TEX261: variants seen among roughly 807,000 people sequenced by gnomAD.
TEX261 encodes testis expressed 261.
TEX261 carries 13 observed loss-of-function variants against 25.1 expected under a neutral mutation model. The ratio of observed to expected loss-of-function variants is 0.52; its 90% CI spans 0.34 to 0.82. The LOEUF (loss-of-function observed/expected upper bound fraction) is 0.82, where lower values mean the gene tolerates loss of function less well. Among genes scored for constraint, TEX261 ranks in the 40% least tolerant of loss-of-function variants. TEX261 has a pLI of 0.02. For synonymous variants in TEX261, 92 were observed against 97.8 expected (o/e 0.94, Z 0.35); for missense variants, 206 against 243.2 (o/e 0.85, Z 1.02).
In TEX261 at chr2:70,987,009, G is replaced by A. The variant is rs1337437948; in HGVS notation, c.*1591C>T. On this transcript the variant is annotated 3_prime_UTR_variant, in exon 6 of 6. Coordinates refer to ENST00000272438, the MANE Select transcript of TEX261 (RefSeq NM_144582.3). ...CCATGTCAAATGCTGCCCAGATCTA[G>A]TAAGACAGGAAAGGGGTCTGCTGGA... The A allele has an allele frequency of 6.6e-6, 1 of 152,302 alleles. No individual in the cohort carries two copies. The highest frequency in any genetic ancestry group is 2.4e-5 in the African/African-American group (1 of 41,446). 9.4% of individuals were successfully genotyped at this position (152,302 alleles called of 1,614,324 possible). A position where few individuals can be genotyped will look rare whatever the true frequency, so the allele number is the denominator to read the frequency against.
chr2:70,990,740 G>T (rs1348770595), intron 3 of TEX261, among the ~76,000 whole-genome samples: 1 of 152,162 alleles, frequency 6.6e-6, no homozygotes, highest in Non-Finnish European at 1.5e-5. Flanking sequence ...ATAGTGCCTG[G>T]TGCCCACAAG....
rs1670349229 is a variant in TEX261, at chr2:70,993,689, C to T, written c.150+7G>A. On this transcript the variant is annotated splice_region_variant and intron_variant, in intron 2 of 5. Transcript: ENST00000272438. ...GAGGAGGACTCCTGGAGAAAGATGC[C>T]ACTTACCCAGATCATGTATTTTATG... 2 of 1,612,518 alleles carry T rather than the reference C, an allele frequency of 1.2e-6. No homozygotes were observed. The highest frequency in any genetic ancestry group is 1.7e-6 in the Non-Finnish European group (2 of 1,178,650).
In TEX261 at chr2:70,988,306, C is replaced by A; in HGVS notation, c.*294G>T. 1 of 371,542 alleles carries A rather than the reference C, an allele frequency of 2.7e-6. No individual in the cohort carries two copies. Among genetic ancestry groups the A allele is most frequent in the Non-Finnish European group, 5.0e-6 (1 of 199,480 alleles). The allele number at this position is 371,542 out of a possible 1,614,324, so 23.0% of individuals were successfully genotyped here. On this transcript the variant is annotated 3_prime_UTR_variant, in exon 6 of 6. Coordinates refer to ENST00000272438, the MANE Select transcript of TEX261 (RefSeq NM_144582.3). Reference sequence around the variant, plus strand: ...CCTGCCCTGCCTGCCCCAGCGGGGCCAGAACCTCCTGACCCACCTTGGAAG... The same window carrying A: ...CCTGCCCTGCCTGCCCCAGCGGGGCAAGAACCTCCTGACCCACCTTGGAAG...
In TEX261 at chr2:70,986,216, G is replaced by A. The variant is rs1226660835; in HGVS notation, c.*2384C>T. ...CCCTTTCTCTGTGACCAAAAGAAAGGAGGAATCAGAGTGGCAATGGAGAGC... is the reference window on the plus strand; with the variant it reads ...CCCTTTCTCTGTGACCAAAAGAAAGAAGGAATCAGAGTGGCAATGGAGAGC... On this transcript the variant is annotated 3_prime_UTR_variant, in exon 6 of 6. Coordinates refer to ENST00000272438, the MANE Select transcript of TEX261 (RefSeq NM_144582.3). 6.6e-6 allele frequency: 1 copy of A among 152,608 alleles called. No individual in the cohort carries two copies. Among genetic ancestry groups the A allele is most frequent in the African/African-American group, 2.4e-5 (1 of 41,432 alleles). 9.5% of individuals were successfully genotyped at this position (152,608 alleles called of 1,614,324 possible).
rs181995624 is a variant in TEX261, at chr2:70,988,457, G to T, written c.*143C>A. On this transcript the variant is annotated 3_prime_UTR_variant, in exon 6 of 6. Transcript: ENST00000272438. ...GAGCCAAGCTGAGCCCCCCAAGGAG[G>T]GTGGGGATGGGGCTCCAGAGTTGAG... 4.1e-5 allele frequency: 27 copies of T among 651,726 alleles called. No individual in the cohort carries two copies. In the East Asian group the frequency reaches 7.3e-4, roughly 18 times the overall value. 40.4% of individuals were successfully genotyped at this position (651,726 alleles called of 1,614,324 possible). A position where few individuals can be genotyped will look rare whatever the true frequency, so the allele number is the denominator to read the frequency against.
In TEX261 at chr2:70,989,810, A is replaced by G. The variant is rs782475221; in HGVS notation, c.311T>C (p.Val104Ala). 9.9e-6 allele frequency: 16 copies of G among 1,611,488 alleles called. No individual in the cohort carries two copies. Among genetic ancestry groups the G allele is most frequent in the South Asian group, 4.4e-5 (4 of 91,038 alleles). Residue 104 changes from valine (V) to alanine (A), a missense_variant, in exon 4 of 6, where the codon GTG (valine) becomes GCG (alanine). By Grantham distance (64) the Val-to-Ala change is moderately conservative. Coordinates refer to ENST00000272438, the MANE Select transcript of TEX261 (RefSeq NM_144582.3). ...AAATGCTAGGTAATGATTCACCACC[A>G]CTAGTCCTGTTGAGGGAATGAAGAG... Reference protein sequence around the residue: ...SPNFILSCGLVVVNHYLAFQF... With the variant: ...SPNFILSCGLAVVNHYLAFQF...
intron 4 of TEX261, 98 bp from the exon 5 acceptor site, chr2:70,989,115 CA>C: frequency 9.8e-7 from 1 of 1,021,206 alleles, no homozygotes. Context: ...CAGGGGGCCA[CA>C]CCTGATCTCC....
At position 70,989,834 on chromosome 2, in the gene TEX261, A is replaced by G; in HGVS notation, c.305-18T>C. On this transcript the variant is annotated intron_variant, in intron 3 of 5. Transcript: ENST00000272438. Reference sequence around the variant, plus strand: ...CACTAGTCCTGTTGAGGGAATGAAGAGTCAGTCAGTTTAAGGGGAATAACA... The same window carrying G: ...CACTAGTCCTGTTGAGGGAATGAAGGGTCAGTCAGTTTAAGGGGAATAACA... 1 of 1,593,392 alleles carries G rather than the reference A, an allele frequency of 6.3e-7. No homozygotes were observed. Among genetic ancestry groups the G allele is most frequent in the Non-Finnish European group, 8.6e-7 (1 of 1,161,208 alleles).
chr2:70,989,851 G>T lies in TEX261; in HGVS notation c.305-35C>A, dbSNP rs781955210. ...GAATGAAGAGTCAGTCAGTTTAAGG[G>T]GAATAACAGAAAGCTGTACTTTTAA... On this transcript the variant is annotated intron_variant, in intron 3 of 5. Coordinates refer to ENST00000272438, the MANE Select transcript of TEX261 (RefSeq NM_144582.3). The T allele has an allele frequency of 5.3e-6, 8 of 1,511,840 alleles. No individual in the cohort carries two copies. In the Admixed American group the frequency reaches 1.3e-4, roughly 25 times the overall value. The allele number at this position is 1,511,840 out of a possible 1,614,324, so 93.7% of individuals were successfully genotyped here.
chr2:70,988,756 G>C, intron 5 of TEX261, 41 bp from the exon 6 acceptor site: 5 of 1,515,834 alleles, frequency 3.3e-6, no homozygotes, highest in Non-Finnish European at 4.6e-6. Flanking sequence ...GAGAGAGAGT[G>C]TGTGTGTGTG....
intron 2 of TEX261, among the ~76,000 whole-genome samples, chr2:70,992,925 G>A (rs1553425789): frequency 1.3e-5 from 2 of 152,124 alleles, no homozygotes; most frequent in African/African-American, 4.8e-5. Flanking sequence ...ACCTACAGTT[G>A]TCAGTGCTTA....
chr2:70,994,182 T>C (rs1258042278), intron 1 of TEX261, among the ~76,000 whole-genome samples: 4 of 152,210 alleles, frequency 2.6e-5, no homozygotes, highest in African/African-American at 9.6e-5. Context: ...CAGACGAGTT[T>C]AGTGTGAGAA....
Position 70,988,898 on chromosome 2 carries a change from T to C in TEX261, c.475+17A>G, listed in dbSNP as rs377205649. 6.2e-7 allele frequency: 1 copy of C among 1,612,674 alleles called. No homozygotes were observed. The highest frequency in any genetic ancestry group is 8.5e-7 in the Non-Finnish European group (1 of 1,179,268). On this transcript the variant is annotated intron_variant, in intron 5 of 5. Transcript: ENST00000272438. ...CTGGCTTGCCCCCACCTGGGCCCCT[T>C]ACAAATCCCTTCTCACCTCCTGGCT...
At position 70,988,258 on chromosome 2, in the gene TEX261, A is replaced by G. The variant is rs569167492; in HGVS notation, c.*342T>C. 25 of 252,584 alleles carry G rather than the reference A, an allele frequency of 9.9e-5. No homozygotes were observed. The South Asian group carries it at 1.6e-3, about 17-fold the overall frequency. The allele number at this position is 252,584 out of a possible 1,614,324, so 15.6% of individuals were successfully genotyped here. A position where few individuals can be genotyped will look rare whatever the true frequency, so the allele number is the denominator to read the frequency against. On this transcript the variant is annotated 3_prime_UTR_variant, in exon 6 of 6. Transcript: ENST00000272438. ...CCACCTGCCCAGAGAACTTGTCACC[A>G]TCTGCTCTTAAGCTTCACAGACCCT...
chr2:70,993,793 G>C lies in TEX261; in HGVS notation c.71-18C>G, dbSNP rs201822689. 32 of 1,605,956 alleles carry C rather than the reference G, an allele frequency of 2.0e-5. No individual in the cohort carries two copies. The highest frequency in any genetic ancestry group is 8.3e-5 in the Admixed American group (5 of 60,006). ...TCCAGCCGCTGCAGGGTGGGAGGCA[G>C]GGAGACTATCAGCCAGGGTCACTCC... On this transcript the variant is annotated intron_variant, in intron 1 of 5. Coordinates refer to ENST00000272438, the MANE Select transcript of TEX261 (RefSeq NM_144582.3).
chr2:70,991,692 C>T (rs781926488), intron 3 of TEX261, 138 bp downstream of exon 3: 15 of 1,035,616 alleles, frequency 1.4e-5, no homozygotes, highest in Non-Finnish European at 1.8e-5. Flanking sequence ...GCAGTAAGAA[C>T]CGCATCTTCC....
intron 1 of TEX261, among the ~76,000 whole-genome samples, chr2:70,993,981 A>G (rs996477376): frequency 1.3e-5 from 2 of 152,342 alleles, no homozygotes; most frequent in South Asian, 2.1e-4. Flanking sequence ...AAAATCAACG[A>G]AAGTCTGCAT....
Position 70,989,730 on chromosome 2 carries a change from T to C in TEX261, c.372+19A>G. On this transcript the variant is annotated intron_variant, in intron 4 of 5. Transcript: ENST00000272438. The stretch of plus-strand genomic sequence containing the variant: ...TACCCTGTCCCTGTTAACAGCTGAA[T>C]GTGCTGGACACTTCTTACCTCTGAG... The C allele has an allele frequency of 1.3e-6, 2 of 1,578,158 alleles. No homozygotes were observed. The highest frequency in any genetic ancestry group is 2.2e-5 in the East Asian group (1 of 44,734).
rs1378514399 is a variant in TEX261 at position 70,986,941 on chromosome 2, G to A, written c.*1659C>T. ...CAGGGAGGTAGGACAACTAGCCACAGAGGTGCCAGGGAAGTGCCATCCAAG... is the reference window on the plus strand; with the variant it reads ...CAGGGAGGTAGGACAACTAGCCACAAAGGTGCCAGGGAAGTGCCATCCAAG... On this transcript the variant is annotated 3_prime_UTR_variant, in exon 6 of 6. Transcript: ENST00000272438. The A allele has an allele frequency of 6.5e-6, 1 of 152,784 alleles. No individual in the cohort carries two copies. The highest frequency in any genetic ancestry group is 1.5e-5 in the Non-Finnish European group (1 of 68,534). The allele number at this position is 152,784 out of a possible 1,614,324, so 9.5% of individuals were successfully genotyped here.
Sources: gnomAD v4.1 joint callset for allele counts (sites outside exome capture counted in the v4.1 genomes callset) on GRCh38, gnomAD v4.1.1 for gene constraint, MANE v1.5 for transcripts, NCBI Gene and HGNC (gene_info 2026-07-23, HGNC 2026-07-21) for gene names.